The following CAP2 variants were observed in gnomAD, a reference collection of about 807,000 sequenced individuals.
CAP2 encodes cyclase associated actin cytoskeleton regulatory protein 2.
CAP2 carries 24 observed loss-of-function variants against 57.7 expected under a neutral mutation model. That is an observed-to-expected ratio of 0.42 (90% confidence interval 0.30 to 0.58). CAP2 has a LOEUF of 0.58. Among genes scored for constraint, CAP2 ranks in the 20% least tolerant of loss-of-function variants. The pLI is 0.22. For synonymous variants in CAP2, 194 were observed against 207.2 expected, an observed-to-expected ratio of 0.94 and a Z score of 0.55; for missense variants, 501 against 590.3, an observed-to-expected ratio of 0.85 and a Z score of 1.57.
intron 1 of CAP2, among the ~76,000 whole-genome samples, chr6:17,408,655 G>A (rs957916529): frequency 7.0e-6 from 1 of 143,174 alleles, no homozygotes; most frequent in Admixed American, 7.0e-5. Flanking sequence ...TGAAATGATA[G>A]CCTCCTTTTT....
intron 4 of CAP2, among the ~76,000 whole-genome samples, chr6:17,473,499 A>G (rs1484852550): frequency 6.6e-6 from 1 of 152,202 alleles, no homozygotes; most frequent in Non-Finnish European, 1.5e-5. Flanking sequence ...ATTTAGAAAG[A>G]GGTCACTGTG....
At chr6:17,450,383 G>T (rs970405134) in intron 3 of CAP2, among the ~76,000 whole-genome samples, 5 of 152,174 alleles carry the variant, frequency 3.3e-5, no homozygotes, top group African/African-American at 4.8e-5. Context: ...GATGTACCAA[G>T]AAATTTGTTT....
intron 4 of CAP2, among the ~76,000 whole-genome samples, chr6:17,473,437 T>C (rs1761072845): frequency 6.6e-6 from 1 of 152,240 alleles, no homozygotes; most frequent in Non-Finnish European, 1.5e-5. Context: ...CAATCTGATA[T>C]AAAAAGTGTA....
At chr6:17,498,487 T>C (rs1761722028) in intron 4 of CAP2, among the ~76,000 whole-genome samples, 1 of 152,190 alleles carries the variant, frequency 6.6e-6, no homozygotes, top group African/African-American at 2.4e-5. Flanking sequence ...TCTACCTTTA[T>C]AGAGCAGTAG....
chr6:17,516,147 C>G (rs1228393773), intron 7 of CAP2, among the ~76,000 whole-genome samples: 1 of 152,234 alleles, frequency 6.6e-6, no homozygotes, highest in Non-Finnish European at 1.5e-5. Flanking sequence ...AGCTCCCCAT[C>G]TGGGTTGACT....
chr6:17,532,236 G>A (rs543500102), intron 7 of CAP2, among the ~76,000 whole-genome samples: 22 of 147,336 alleles, frequency 1.5e-4, no homozygotes, highest in Admixed American at 6.9e-5. Flanking sequence ...CGCCTCCCGA[G>A]TTCAAGTGAT....
At chr6:17,539,757 C>T (rs1762857147) in intron 8 of CAP2, among the ~76,000 whole-genome samples, 1 of 152,164 alleles carries the variant, frequency 6.6e-6, no homozygotes, top group Admixed American at 6.6e-5. Context: ...TTGTCCACAA[C>T]CAAGGCATCA....
intron 1 of CAP2, among the ~76,000 whole-genome samples, chr6:17,415,475 A>G (rs1337276319): frequency 6.6e-6 from 1 of 152,264 alleles, no homozygotes; most frequent in Admixed American, 6.5e-5. Context: ...CTTCTTTTAA[A>G]TGAAAATTTC....
chr6:17,448,216 G>A (rs886734109), intron 3 of CAP2, among the ~76,000 whole-genome samples: 6 of 152,192 alleles, frequency 3.9e-5, no homozygotes, highest in African/African-American at 1.2e-4. Flanking sequence ...TTTTCTGAGC[G>A]GCCTTAGTAG....
intron 3 of CAP2, among the ~76,000 whole-genome samples, chr6:17,432,378 A>G (rs909791513): frequency 1.3e-5 from 2 of 152,124 alleles, no homozygotes; most frequent in Non-Finnish European, 2.9e-5. Context: ...AGCCCATTCC[A>G]TGTCGTTCTC....
At chr6:17,475,067 C>T (rs1369298054) in intron 4 of CAP2, among the ~76,000 whole-genome samples, 7 of 151,924 alleles carry the variant, frequency 4.6e-5, no homozygotes, top group East Asian at 1.9e-4. Context: ...TGGTGACGTG[C>T]GCCTGTAATC....
chr6:17,413,720 G>C (rs1246951509), intron 1 of CAP2, among the ~76,000 whole-genome samples: 1 of 152,082 alleles, frequency 6.6e-6, no homozygotes. Flanking sequence ...TAGTTTCCTG[G>C]GAAATAAAAG....
At chr6:17,429,651 A>G (rs887366506) in intron 3 of CAP2, among the ~76,000 whole-genome samples, 2 of 152,180 alleles carry the variant, frequency 1.3e-5, no homozygotes, top group Non-Finnish European at 2.9e-5. Flanking sequence ...TGTAATGCTT[A>G]AGAAAATTTA....
intron 8 of CAP2, among the ~76,000 whole-genome samples, chr6:17,540,055 CTGGGTGACAGAGTGAG>C (rs1762864289): frequency 6.6e-6 from 1 of 152,172 alleles, no homozygotes. Flanking sequence ...GCACTCCAGC[CTGGGTGACAGAGTGAG>C]ACCTTGTCTC....
chr6:17,461,950 A>G (rs7752106), intron 3 of CAP2, among the ~76,000 whole-genome samples: 87,215 of 138,812 alleles, frequency 0.63, 28,652 homozygotes, highest in East Asian at 0.86. Flanking sequence ...CTGAGATCGC[A>G]CCATTGCACT....
At chr6:17,465,606 G>T (rs1251710616) in intron 4 of CAP2, among the ~76,000 whole-genome samples, 6 of 152,088 alleles carry the variant, frequency 3.9e-5, no homozygotes, top group African/African-American at 1.2e-4. Flanking sequence ...ACCACGTGTT[G>T]TTCAGAACCC....
chr6:17,554,125 GAGAC>G (rs1763238196), intron 12 of CAP2, among the ~76,000 whole-genome samples: 1 of 152,190 alleles, frequency 6.6e-6, no homozygotes, highest in Non-Finnish European at 1.5e-5. Context: ...TTGTTTGTCT[GAGAC>G]AGGGTCTTGC....
intron 3 of CAP2, among the ~76,000 whole-genome samples, chr6:17,461,956 G>A (rs1163439977): frequency 3.4e-5 from 4 of 116,170 alleles, no homozygotes; most frequent in Non-Finnish European, 6.7e-5. Context: ...TCGCACCATT[G>A]CACTCCAGCC....
intron 4 of CAP2, among the ~76,000 whole-genome samples, chr6:17,491,959 G>A (rs1761552571): frequency 6.6e-6 from 1 of 152,202 alleles, no homozygotes; most frequent in South Asian, 2.1e-4. Flanking sequence ...CGCATGACCT[G>A]CTGATGAGGA....
Sources: gnomAD v4.1 joint callset for allele counts (sites outside exome capture counted in the v4.1 genomes callset) on GRCh38, gnomAD v4.1.1 for gene constraint, MANE v1.5 for transcripts, NCBI Gene and HGNC (gene_info 2026-07-23, HGNC 2026-07-21) for gene names.